Variants in CFAP20DC observed in about 807,000 individuals in gnomAD.
The protein encoded by CFAP20DC is protein CFAP20DC.
CFAP20DC carries 84 observed loss-of-function variants against 101.7 expected under a neutral mutation model. The ratio of observed to expected loss-of-function variants is 0.83; its 90% confidence interval spans 0.69 to 0.99. CFAP20DC has a LOEUF of 0.99. Among genes scored for constraint, CFAP20DC ranks in the 50% least tolerant of loss-of-function variants. CFAP20DC has a pLI of 0.00. For missense variants in CFAP20DC, 1,007 were observed against 970.3 expected (o/e 1.04, Z -0.50); for synonymous variants, 359 against 351.2 (o/e 1.02, Z -0.25).
intron 4 of CFAP20DC, among the ~76,000 whole-genome samples, chr3:58,982,157 G>T (rs1047008899): frequency 4.6e-5 from 7 of 152,200 alleles, no homozygotes; most frequent in African/African-American, 7.2e-5. Flanking sequence ...ACCACAATGA[G>T]ATACCACCTC....
In CFAP20DC at chr3:58,742,213, A is replaced by G; in HGVS notation, c.*247T>C. On this transcript the variant is annotated 3_prime_UTR_variant, in exon 17 of 17. Coordinates refer to ENST00000482387, the MANE Select transcript of CFAP20DC (RefSeq NM_001394063.1). Reference sequence around the variant, plus strand: ...ATTATATGTAGAATGAGAACAAACAAGAACCAATTCAAACTCCTAAAATCT... The same window carrying G: ...ATTATATGTAGAATGAGAACAAACAGGAACCAATTCAAACTCCTAAAATCT... 2 of 1,025,994 alleles carry G rather than the reference A, an allele frequency of 1.9e-6. No individual in the cohort carries two copies. The allele number at this position is 1,025,994 out of a possible 1,614,324, so 63.6% of individuals were successfully genotyped here. A position where few individuals can be genotyped will look rare whatever the true frequency, so the allele number is the denominator to read the frequency against.
At chr3:58,956,368 T>G (rs1359881449) in intron 4 of CFAP20DC, among the ~76,000 whole-genome samples, 2 of 151,786 alleles carry the variant, frequency 1.3e-5, no homozygotes, top group African/African-American at 4.8e-5. Context: ...ACCTGGGCCT[T>G]AAGGGAACAT....
intron 5 of CFAP20DC, among the ~76,000 whole-genome samples, chr3:58,930,560 C>T (rs2086500193): frequency 6.6e-6 from 1 of 152,202 alleles, no homozygotes; most frequent in Non-Finnish European, 1.5e-5. Context: ...CTAACTATGA[C>T]AGGGAGAATA....
At chr3:58,922,201 C>T (rs1559827454) in intron 5 of CFAP20DC, among the ~76,000 whole-genome samples, 2 of 152,172 alleles carry the variant, frequency 1.3e-5, no homozygotes, top group African/African-American at 2.4e-5. Context: ...AATATAATGA[C>T]TTTGATACGT....
At chr3:59,026,220 T>C (rs2093889667) in intron 4 of CFAP20DC, among the ~76,000 whole-genome samples, 1 of 152,140 alleles carries the variant, frequency 6.6e-6, no homozygotes. Flanking sequence ...AAATTGAAAT[T>C]AGCCACGAGA....
intron 15 of CFAP20DC, among the ~76,000 whole-genome samples, chr3:58,790,733 C>G (rs1339337625): frequency 6.6e-6 from 1 of 152,190 alleles, no homozygotes; most frequent in Non-Finnish European, 1.5e-5. Flanking sequence ...GTAGTCTGAA[C>G]TCTTTGGATT....
intron 4 of CFAP20DC, among the ~76,000 whole-genome samples, chr3:58,941,836 G>A (rs547441318): frequency 5.3e-4 from 80 of 152,232 alleles, no homozygotes; most frequent in Non-Finnish European, 1.0e-3. Context: ...GATTACAGAC[G>A]TGAGCCACTG....
chr3:59,005,977 T>C (rs1478633771), intron 4 of CFAP20DC, among the ~76,000 whole-genome samples: 1 of 152,178 alleles, frequency 6.6e-6, no homozygotes, highest in African/African-American at 2.4e-5. Context: ...TAACACCTTA[T>C]AGTAATTTGG....
At chr3:58,832,584 T>A (rs1448200089) in intron 13 of CFAP20DC, among the ~76,000 whole-genome samples, 1 of 152,124 alleles carries the variant, frequency 6.6e-6, no homozygotes, top group East Asian at 1.9e-4. Context: ...GAATGACTAG[T>A]ATTGGTAAAA....
Position 58,933,215 on chromosome 3 carries a change from C to G in CFAP20DC, c.393+4433G>C, listed in dbSNP as rs557202050. Among the ~76,000 whole-genome samples the G allele has an allele frequency of 3.3e-3, 494 of 151,518 alleles. 1 individual carries two copies. Among genetic ancestry groups the G allele is most frequent in the African/African-American group, 9.4e-3 (387 of 41,056 alleles). ...GGTAAAGGGATCAATTCAACAAGAA[C>G]AGCTAACTATCCTAAATATATATGC... On this transcript the variant is annotated intron_variant, in intron 5 of 16. Transcript: ENST00000482387.
At chr3:58,954,887 C>A (rs1324133398) in intron 4 of CFAP20DC, among the ~76,000 whole-genome samples, 1 of 151,660 alleles carries the variant, frequency 6.6e-6, no homozygotes, top group Non-Finnish European at 1.5e-5. Flanking sequence ...TCTTTGAATA[C>A]CATTTGATTC....
intron 3 of CFAP20DC, among the ~76,000 whole-genome samples, chr3:58,736,967 A>G (rs751502349): frequency 1.3e-5 from 2 of 152,196 alleles, no homozygotes; most frequent in Non-Finnish European, 2.9e-5. Context: ...GCAAACCAGA[A>G]CCAAAATATT....
chr3:58,746,577 G>A (rs907715751), intron 16 of CFAP20DC, among the ~76,000 whole-genome samples: 3 of 152,094 alleles, frequency 2.0e-5, no homozygotes, highest in African/African-American at 7.2e-5. Context: ...ATTAGTAGAG[G>A]TTTTGCTACA....
chr3:58,895,417 T>C (rs2082590728), intron 6 of CFAP20DC, among the ~76,000 whole-genome samples: 1 of 152,194 alleles, frequency 6.6e-6, no homozygotes, highest in African/African-American at 2.4e-5. Context: ...ATCTAGGATA[T>C]GGGCAAAATG....
chr3:58,726,130 T>C (rs1487365725), intron 3 of CFAP20DC: 1 of 152,276 alleles, frequency 6.6e-6, no homozygotes, highest in African/African-American at 2.4e-5. Context: ...TTCATAAGAC[T>C]AGGGGCTCAG....
rs2093847252 is a variant in CFAP20DC at position 59,023,873 on chromosome 3, T to C, written c.278+15684A>G. On this transcript the variant is annotated intron_variant, in intron 4 of 16. Transcript: ENST00000482387. ...TAAAAAGAAGGTTGAACCATATCAG[T>C]GGATTTCAACCTTATGAGGGAGCAA... Among the ~76,000 whole-genome samples, 3 of 152,106 alleles carry C rather than the reference T, an allele frequency of 2.0e-5. No individual in the cohort carries two copies. In the South Asian group the frequency reaches 6.2e-4, roughly 32 times the overall value.
intron 12 of CFAP20DC, among the ~76,000 whole-genome samples, chr3:58,855,740 A>C (rs942539455): frequency 2.0e-5 from 3 of 151,278 alleles, no homozygotes; most frequent in African/African-American, 7.3e-5. Context: ...CAAGAAGAAA[A>C]AACTAAACAC....
At position 58,721,227 on chromosome 3, in the gene CFAP20DC, A is replaced by G. The variant is rs1247022043; in HGVS notation, c.198-3599T>C. 6.6e-6 allele frequency among the ~76,000 whole-genome samples: 1 copy of G among 152,146 alleles called. No homozygotes were observed. The highest frequency in any genetic ancestry group is 1.5e-5 in the Non-Finnish European group (1 of 68,024). ...TCCGGTGGATAGGAGGTACTCAATC[A>G]CTATATAAATATGTTCCAACACGTT... On this transcript the variant is annotated intron_variant, in intron 3 of 3. Transcript: ENST00000486145. This position sits in a 1 kb window ranked among gnomAD's most constrained non-coding sequence, Gnocchi z 5.2.
intron 16 of CFAP20DC, among the ~76,000 whole-genome samples, chr3:58,749,047 T>A (rs1031442611): frequency 6.6e-6 from 1 of 152,242 alleles, no homozygotes; most frequent in African/African-American, 2.4e-5. Context: ...TATTTTCATA[T>A]GACCAATATT....
Sources: allele counts gnomAD v4.1 joint callset (sites outside exome capture counted in the v4.1 genomes callset), GRCh38; gene constraint gnomAD v4.1.1; non-coding constraint Gnocchi (gnomAD v3.1); transcripts MANE v1.5; gene names NCBI Gene and HGNC (gene_info 2026-07-23, HGNC 2026-07-21).